UBE2W: variants seen among roughly 807,000 people sequenced by gnomAD.
The protein encoded by UBE2W is ubiquitin conjugating enzyme E2 W.
In UBE2W, 18 loss-of-function variants were observed where a neutral mutation model predicts 27.2. The ratio of observed to expected loss-of-function variants is 0.66; its 90% CI spans 0.46 to 0.98. The LOEUF (loss-of-function observed/expected upper bound fraction) is 0.98. Among genes scored for constraint, UBE2W ranks in the 50% least tolerant of loss-of-function variants. The pLI is 0.00. For missense variants in UBE2W, 90 were observed against 180.2 expected (o/e 0.50, Z 2.87); for synonymous variants, 53 against 57.2 (o/e 0.93, Z 0.33).
downstream of UBE2W, among the ~76,000 whole-genome samples, chr8:73,781,447 G>A (rs898470315): frequency 6.6e-6 from 1 of 151,822 alleles, no homozygotes; most frequent in African/African-American, 2.4e-5. Flanking sequence ...TCGGTGCAAC[G>A]GGGGAATGCA....
intron 1 of UBE2W, among the ~76,000 whole-genome samples, chr8:73,839,726 G>GTTT (rs149185338): frequency 3.9e-4 from 48 of 123,134 alleles, no homozygotes; most frequent in African/African-American, 1.2e-3. Flanking sequence ...TTCTTTTTTG[G>GTTT]TTTTTTTTTT....
chr8:73,805,602 A>G (rs1349799481), intron 5 of UBE2W, 49 bp downstream of exon 5: 4 of 1,160,170 alleles, frequency 3.4e-6, no homozygotes, highest in Non-Finnish European at 4.8e-6. Flanking sequence ...AATATATATA[A>G]TCTTCATATC....
intron 1 of UBE2W, among the ~76,000 whole-genome samples, chr8:73,868,706 A>AG (rs200324641): frequency 0.024 from 3,587 of 149,240 alleles, 145 homozygotes; most frequent in African/African-American, 0.084. Context: ...CTTGGTGTGA[A>AG]AAAAAAAAAA....
rs950381633 is a variant in UBE2W, at chr8:73,814,385, C to T, written c.211-3756G>A. Reference sequence around the variant, plus strand: ...TATGAACAGCCAACGATGGAGACCACGGACATTCCTCGCTGCGTAAATTAC... The same window carrying T: ...TATGAACAGCCAACGATGGAGACCATGGACATTCCTCGCTGCGTAAATTAC... On this transcript the variant is annotated intron_variant, in intron 3 of 5. Transcript: ENST00000602593. Among the ~76,000 whole-genome samples the T allele has an allele frequency of 2.6e-5, 4 of 152,128 alleles. 1 individual carries two copies. Among genetic ancestry groups the T allele is most frequent in the African/African-American group, 4.8e-5 (2 of 41,412 alleles).
intron 1 of UBE2W, among the ~76,000 whole-genome samples, chr8:73,841,612 T>C (rs929590073): frequency 6.6e-6 from 1 of 152,148 alleles, no homozygotes; most frequent in African/African-American, 2.4e-5. Context: ...ACCAGGACTG[T>C]GGTATGCACA....
chr8:73,878,721 C>T, intron 1 of UBE2W, 87 bp downstream of exon 1: 2 of 1,239,300 alleles, frequency 1.6e-6, no homozygotes, highest in Non-Finnish European at 2.3e-6. Context: ...CCCGGGTGTC[C>T]CCGAATCGCG....
intron 1 of UBE2W, among the ~76,000 whole-genome samples, chr8:73,849,424 A>G (rs1810971705): frequency 6.8e-6 from 1 of 147,692 alleles, no homozygotes; most frequent in African/African-American, 2.5e-5. Context: ...AGACAGGATA[A>G]TAGCTTGAAC....
At chr8:73,838,982 C>T (rs984430121) in intron 1 of UBE2W, among the ~76,000 whole-genome samples, 4 of 152,178 alleles carry the variant, frequency 2.6e-5, no homozygotes, top group African/African-American at 4.8e-5. Flanking sequence ...CAAGAAGATT[C>T]TGTATCTGGG....
chr8:73,854,323 G>C (rs1318410050), intron 1 of UBE2W, among the ~76,000 whole-genome samples: 1 of 152,060 alleles, frequency 6.6e-6, no homozygotes, highest in Non-Finnish European at 1.5e-5. Context: ...ATGGCATATT[G>C]TTAGAATAAA....
chr8:73,796,673 A>T, intron 5 of UBE2W: 1 of 984,896 alleles, frequency 1.0e-6, no homozygotes, highest in Non-Finnish European at 1.2e-6. Flanking sequence ...GACTTGCGGG[A>T]CTACGAATCC....
chr8:73,814,079 G>T (rs1021099928), intron 3 of UBE2W, among the ~76,000 whole-genome samples: 135 of 152,078 alleles, frequency 8.9e-4, no homozygotes, highest in African/African-American at 6.3e-4. Context: ...TCTCTGCATG[G>T]GGAAAGTAAC....
chr8:73,801,955 GAA>G (rs1445689284), intron 5 of UBE2W, among the ~76,000 whole-genome samples: 1 of 152,196 alleles, frequency 6.6e-6, no homozygotes, highest in Admixed American at 6.5e-5. Flanking sequence ...GAGCTCCTAA[GAA>G]GAGAGGAGTT....
At chr8:73,818,898 T>C (rs1261814244) in intron 3 of UBE2W, among the ~76,000 whole-genome samples, 4 of 152,244 alleles carry the variant, frequency 2.6e-5, no homozygotes, top group Non-Finnish European at 5.9e-5. Flanking sequence ...ATGCTTCTTG[T>C]ACAGCCTGCA....
At chr8:73,804,996 T>A (rs1030285742) in intron 5 of UBE2W, among the ~76,000 whole-genome samples, 6 of 152,188 alleles carry the variant, frequency 3.9e-5, no homozygotes, top group African/African-American at 1.4e-4. Flanking sequence ...GTGCTGGGAT[T>A]ACAGGCGTAG....
At chr8:73,867,478 T>C (rs1370061012) in intron 1 of UBE2W, among the ~76,000 whole-genome samples, 2 of 152,096 alleles carry the variant, frequency 1.3e-5, no homozygotes, top group African/African-American at 4.8e-5. Flanking sequence ...GAAGTTGCAG[T>C]GAGCCGAGAT....
chr8:73,807,477 A>C (rs1808960401), intron 4 of UBE2W, among the ~76,000 whole-genome samples: 1 of 152,126 alleles, frequency 6.6e-6, no homozygotes, highest in African/African-American at 2.4e-5. Flanking sequence ...CAATGCTCTT[A>C]TGTGTTAATA....
intron 1 of UBE2W, among the ~76,000 whole-genome samples, chr8:73,849,767 GT>G (rs1281312213): frequency 5.3e-5 from 8 of 151,972 alleles, no homozygotes; most frequent in Admixed American, 3.3e-4. Context: ...AGTTATTTGA[GT>G]TTTTTTAAAA....
At chr8:73,865,308 T>G (rs762369917) in intron 1 of UBE2W, among the ~76,000 whole-genome samples, 1 of 145,096 alleles carries the variant, frequency 6.9e-6, no homozygotes, top group Admixed American at 7.0e-5. Context: ...ATAGAAACAA[T>G]CAAGGTAACC....
intron 1 of UBE2W, among the ~76,000 whole-genome samples, chr8:73,833,379 T>C (rs1410042323): frequency 6.6e-6 from 1 of 151,744 alleles, no homozygotes; most frequent in African/African-American, 2.4e-5. Flanking sequence ...AATGATTTTA[T>C]ATGTATAATT....
Sources: gnomAD v4.1 joint callset for allele counts (sites outside exome capture counted in the v4.1 genomes callset) on GRCh38, gnomAD v4.1.1 for gene constraint, MANE v1.5 for transcripts, NCBI Gene and HGNC (gene_info 2026-07-23, HGNC 2026-07-21) for gene names.